Variants in GAPVD1 observed in about 807,000 individuals in gnomAD.
GAPVD1 encodes GTPase activating protein and VPS9 domains 1.
Under a neutral mutation model 155.5 loss-of-function variants are expected in GAPVD1, and 35 were observed. The observed-to-expected ratio is 0.23, with a 90% CI of 0.17 to 0.30. The LOEUF (loss-of-function observed/expected upper bound fraction) is 0.30. GAPVD1 is among the 10% of genes least tolerant of loss of function. The probability of loss-of-function intolerance (pLI) is 1.00; values close to 1 mark genes in which losing one functional copy is unlikely to be tolerated. For missense variants in GAPVD1, 1,429 were observed against 1,775.7 expected, an observed-to-expected ratio of 0.80 and a Z score of 3.51; for synonymous variants, 636 against 619.7, an observed-to-expected ratio of 1.03 and a Z score of -0.39.
chr9:125,348,266 A>C (rs1384488592), intron 20 of GAPVD1, among the ~76,000 whole-genome samples: 1 of 152,182 alleles, frequency 6.6e-6, no homozygotes, highest in Non-Finnish European at 1.5e-5. Context: ...CATGTTGCCC[A>C]GGCTGGTCTC....
chr9:125,264,780 G>A (rs1255942413), intron 1 of GAPVD1, among the ~76,000 whole-genome samples: 2 of 150,620 alleles, frequency 1.3e-5, no homozygotes, highest in Admixed American at 6.6e-5. Flanking sequence ...GTGCAGTGGC[G>A]CGATCTCAGC....
At chr9:125,360,460 T>C in intron 26 of GAPVD1, 68 bp from the exon 27 acceptor site, 1 of 1,225,598 alleles carries the variant, frequency 8.2e-7, no homozygotes, top group Non-Finnish European at 1.2e-6. Context: ...GACACGGAGG[T>C]TGCAGTAGTC....
At chr9:125,360,430 C>A in intron 26 of GAPVD1, 98 bp from the exon 27 acceptor site, 2 of 878,488 alleles carry the variant, frequency 2.3e-6, no homozygotes, top group Non-Finnish European at 3.7e-6. Context: ...AAAAAGCAAC[C>A]ACATTATCCT....
intron 1 of GAPVD1, among the ~76,000 whole-genome samples, chr9:125,264,256 A>G (rs535852899): frequency 4.6e-5 from 7 of 152,002 alleles, no homozygotes; most frequent in Non-Finnish European, 1.0e-4. Flanking sequence ...GTGCAGTGGC[A>G]TGATCTCCGC....
intron 26 of GAPVD1, 49 bp from the exon 27 acceptor site, chr9:125,360,478 AG>A (rs765793457): frequency 8.9e-6 from 13 of 1,463,720 alleles, no homozygotes. Context: ...GTCACTGCGC[AG>A]GGTTGCCACT....
intron 14 of GAPVD1, 105 bp downstream of exon 14, chr9:125,332,165 A>C (rs1846190915): frequency 2.7e-6 from 3 of 1,119,668 alleles, no homozygotes; most frequent in Non-Finnish European, 3.8e-6. Context: ...TTAAGAGCTG[A>C]GTAATTTCCA....
chr9:125,290,101 G>C (rs915183328), intron 2 of GAPVD1, among the ~76,000 whole-genome samples: 3 of 152,150 alleles, frequency 2.0e-5, no homozygotes, highest in African/African-American at 7.2e-5. Flanking sequence ...TTGAACACTA[G>C]TAGTTTTGAG....
intron 19 of GAPVD1, among the ~76,000 whole-genome samples, chr9:125,344,101 T>C (rs2132178253): frequency 6.6e-6 from 1 of 152,344 alleles, no homozygotes; most frequent in Admixed American, 6.5e-5. Context: ...GCTTCCTTAC[T>C]GGTCCAGAAA....
At chr9:125,341,109 A>C in intron 17 of GAPVD1, 68 bp from the exon 18 acceptor site, 1 of 864,896 alleles carries the variant, frequency 1.2e-6, no homozygotes, top group Non-Finnish European at 2.0e-6. Context: ...ACAAACAAAA[A>C]GAAATCCTTT....
chr9:125,329,076 C>T (rs1051093906), intron 12 of GAPVD1, among the ~76,000 whole-genome samples: 1 of 152,084 alleles, frequency 6.6e-6, no homozygotes, highest in East Asian at 1.9e-4. Context: ...GGCAGCAGTA[C>T]AGTCCAGCTT....
intron 2 of GAPVD1, among the ~76,000 whole-genome samples, chr9:125,293,876 A>ATT (rs1364333572): frequency 5.5e-5 from 1 of 18,218 alleles, no homozygotes. Context: ...ATATATATAT[A>ATT]TATATATATA....
Position 125,330,186 on chromosome 9 carries a change from C to T in GAPVD1, c.2141C>T (p.Ala714Val), listed in dbSNP as rs767651412. Residue 714 changes from alanine (A) to valine (V), a missense_variant, in exon 13 of 28, where the codon GCT (alanine) becomes GTT (valine). Around this residue, in one of 4 missense-constraint regions of GAPVD1, gnomAD observed 699 missense variants for 826.0 expected, o/e 0.85. Transcript: ENST00000297933. ...GSTISETTSE[A>V]WSVEVLPSDS... ...ACCATATCAGAGACAACAAGTGAAG[C>T]TTGGAGTGTAGAGGTATTGCCAAGT... 6.2e-7 allele frequency: 1 copy of T among 1,612,022 alleles called. No homozygotes were observed. The highest frequency in any genetic ancestry group is 1.1e-5 in the South Asian group (1 of 90,886).
chr9:125,316,278 A>G (rs1440801526), intron 9 of GAPVD1, among the ~76,000 whole-genome samples: 4 of 152,094 alleles, frequency 2.6e-5, no homozygotes, highest in African/African-American at 7.2e-5. Context: ...ATAGGTATAC[A>G]TGTGCCATAG....
In GAPVD1 at chr9:125,278,143, T is replaced by TTACAA. The variant is rs1836113294; in HGVS notation, c.-150+9159_-150+9160insTACAA. 2.0e-5 allele frequency among the ~76,000 whole-genome samples: 3 copies of TTACAA among 152,234 alleles called. No homozygotes were observed. The South Asian group carries it at 6.2e-4, about 31-fold the overall frequency. On this transcript the variant is annotated intron_variant, in intron 2 of 27. Coordinates refer to ENST00000297933, the MANE Select transcript of GAPVD1 (RefSeq NM_001282680.3). ...GTAAATAAATCGTCGTGATTCAACA[T>TTACAA]GATATTTGTAAAAAATATTTGCAAG...
chr9:125,360,620 C>T lies in GAPVD1; in HGVS notation c.4137C>T (p.Ile1379=), dbSNP rs376781168. The T allele has an allele frequency of 9.9e-6, 16 of 1,613,616 alleles. No homozygotes were observed. In the African/African-American group the frequency reaches 1.6e-4, roughly 16 times the overall value. Residue 1379 remains isoleucine, a synonymous_variant, in exon 27 of 28, where the codon ATC becomes ATT. Coordinates refer to ENST00000297933, the MANE Select transcript of GAPVD1 (RefSeq NM_001282680.3). The part of the protein sequence containing the change: ...YKTPRDKVQC[I]LRMCSTIMNL... Reference sequence around the variant, plus strand: ...CCCCCCGGGACAAAGTGCAGTGCATCCTGAGAATGTGCTCTACGATTATGA... The same window carrying T: ...CCCCCCGGGACAAAGTGCAGTGCATTCTGAGAATGTGCTCTACGATTATGA...
At chr9:125,325,075 A>C (rs1338486809) in intron 11 of GAPVD1, among the ~76,000 whole-genome samples, 3 of 152,094 alleles carry the variant, frequency 2.0e-5, no homozygotes, top group African/African-American at 4.8e-5. Flanking sequence ...AAATACAAAA[A>C]TTAGCCAGGT....
chr9:125,335,804 A>G (rs1267208319), intron 15 of GAPVD1, among the ~76,000 whole-genome samples: 1 of 152,222 alleles, frequency 6.6e-6, no homozygotes, highest in African/African-American at 2.4e-5. Context: ...ATAGAATATC[A>G]ATAGATATAA....
intron 8 of GAPVD1, among the ~76,000 whole-genome samples, chr9:125,311,001 G>A (rs916822416): frequency 1.4e-4 from 21 of 150,768 alleles, no homozygotes; most frequent in Admixed American, 1.2e-3. Context: ...CACCATGCCC[G>A]GCTAATTTTT....
intron 13 of GAPVD1, among the ~76,000 whole-genome samples, chr9:125,330,562 C>T (rs536465921): frequency 7.2e-5 from 11 of 152,188 alleles, no homozygotes; most frequent in African/African-American, 2.6e-4. Context: ...GGTGATCTGC[C>T]CACCTTGGCC....
Sources: allele counts gnomAD v4.1 joint callset (sites outside exome capture counted in the v4.1 genomes callset), GRCh38; gene constraint gnomAD v4.1.1; regional missense constraint gnomAD v4.1.1; transcripts MANE v1.5; gene names NCBI Gene and HGNC (gene_info 2026-07-23, HGNC 2026-07-21).